Variants in LRP1B observed in about 807,000 individuals in gnomAD.
The protein encoded by LRP1B is low-density lipoprotein receptor-related protein 1B.
A neutral mutation model predicts 556.6 loss-of-function variants in LRP1B; 217 were observed. The observed-to-expected ratio is 0.39, with a 90% CI of 0.35 to 0.44. LRP1B has a LOEUF of 0.44. Among genes scored for constraint, LRP1B ranks in the 20% least tolerant of loss-of-function variants. LRP1B has a pLI of 1.00. For missense variants in LRP1B, 5,053 were observed against 5,620.8 expected (o/e 0.90, Z 3.23); for synonymous variants, 2,047 against 1,865.8 (o/e 1.10, Z -2.50).
At position 140,291,318 on chromosome 2, in the gene LRP1B, A is replaced by ATAATTTTTTT. The variant is rs369391920; in HGVS notation, c.12967+6489_12967+6490insAAAAAAATTA. On this transcript the variant is annotated intron_variant, in intron 84 of 90. Transcript: ENST00000389484. ...TTATTTTATATATATATATATATATATTTTTATTATACTTTAAGTTCTAGG... is the reference window on the plus strand; with the variant it reads ...TTATTTTATATATATATATATATATATAATTTTTTTTTTTTATTATACTTTAAGTTCTAGG... 5.9e-4 allele frequency among the ~76,000 whole-genome samples: 65 copies of ATAATTTTTTT among 109,322 alleles called. 4 individuals carry two copies. Among genetic ancestry groups the ATAATTTTTTT allele is most frequent in the Non-Finnish European group, 7.5e-4 (38 of 50,472 alleles). 71.7% of individuals were successfully genotyped at this position (109,322 alleles called of 152,430 possible).
At chr2:141,583,906 A>ATTTTTTTT (rs113916906) in intron 2 of LRP1B, among the ~76,000 whole-genome samples, 19 of 145,524 alleles carry the variant, frequency 1.3e-4, no homozygotes, top group African/African-American at 3.0e-4. Flanking sequence ...TGCCCGGCTA[A>ATTTTTTTT]TTTTTTTTTT....
At chr2:140,743,155 T>A (rs115035647) in intron 35 of LRP1B, among the ~76,000 whole-genome samples, 1,666 of 152,276 alleles carry the variant, frequency 0.011, 31 homozygotes, top group African/African-American at 0.036. Flanking sequence ...TTCCTAATAG[T>A]TGATTTTGGA....
chr2:141,886,005 C>A (rs928625735), intron 1 of LRP1B, among the ~76,000 whole-genome samples: 2 of 152,110 alleles, frequency 1.3e-5, no homozygotes, highest in African/African-American at 4.8e-5. Flanking sequence ...AAAAGTTGAT[C>A]TAACAGGAGA....
intron 7 of LRP1B, among the ~76,000 whole-genome samples, chr2:141,113,526 G>A (rs1488699887): frequency 6.6e-6 from 1 of 151,998 alleles, no homozygotes; most frequent in African/African-American, 2.4e-5. Flanking sequence ...TAGTTTTAAT[G>A]GTCTAGCATT....
chr2:141,601,599 TTTCCTTCCTTCCTTCCTTCCTTCC>T (rs59436887), intron 2 of LRP1B, among the ~76,000 whole-genome samples: 1 of 140,642 alleles, frequency 7.1e-6, no homozygotes, highest in Non-Finnish European at 1.5e-5. Context: ...GTAGCACTCC[TTTCCTTCCTTCCTTCCTTCCTTCC>T]TTCCTTCCTT....
chr2:141,910,579 G>GA (rs1244014860), intron 1 of LRP1B, among the ~76,000 whole-genome samples: 1 of 151,760 alleles, frequency 6.6e-6, no homozygotes, highest in Non-Finnish European at 1.5e-5. Flanking sequence ...CAATTGCTGG[G>GA]AAAAAAACAA....
At chr2:141,467,156 T>C (rs947195219) in intron 3 of LRP1B, among the ~76,000 whole-genome samples, 6 of 144,044 alleles carry the variant, frequency 4.2e-5, no homozygotes, top group African/African-American at 1.6e-4. Context: ...ATATATCCTC[T>C]CAGGTGTATT....
chr2:141,674,963 G>C (rs577095956), intron 2 of LRP1B, among the ~76,000 whole-genome samples: 1 of 151,968 alleles, frequency 6.6e-6, no homozygotes, highest in East Asian at 1.9e-4. Context: ...TTAACATTTT[G>C]TTTCTGTTGG....
At chr2:140,581,197 T>C (rs985500411) in intron 43 of LRP1B, among the ~76,000 whole-genome samples, 3 of 152,236 alleles carry the variant, frequency 2.0e-5, no homozygotes, top group African/African-American at 7.2e-5. Context: ...TTTTGCATAA[T>C]TGTCAAAATG....
At chr2:141,506,657 G>A (rs4637042) in intron 2 of LRP1B, among the ~76,000 whole-genome samples, 152,061 of 152,186 alleles carry the variant, frequency 1, 75,968 homozygotes, top group Non-Finnish European at 1. Flanking sequence ...CTACTCTTTC[G>A]GGCTCTTTGT....
intron 1 of LRP1B, among the ~76,000 whole-genome samples, chr2:142,034,524 C>A (rs1290693296): frequency 1.3e-5 from 2 of 151,602 alleles, no homozygotes; most frequent in Non-Finnish European, 3.0e-5. Flanking sequence ...TTGGGACCCA[C>A]CCCATTCAAT....
intron 2 of LRP1B, among the ~76,000 whole-genome samples, chr2:141,760,167 C>T (rs994393205): frequency 1.1e-4 from 17 of 152,086 alleles, no homozygotes; most frequent in Non-Finnish European, 4.4e-5. Flanking sequence ...AAAAATACAT[C>T]TCTTGTAATG....
At chr2:140,684,015 C>A in intron 41 of LRP1B, 1 of 207,008 alleles carries the variant, frequency 4.8e-6, no homozygotes, top group Admixed American at 5.6e-5. Context: ...CAATATCAGT[C>A]TAAAATGTTG....
chr2:141,683,271 A>G (rs1337598680), intron 2 of LRP1B, among the ~76,000 whole-genome samples: 2 of 152,182 alleles, frequency 1.3e-5, no homozygotes, highest in Non-Finnish European at 2.9e-5. Context: ...ATTTCTTTGA[A>G]CAGGCTGTTA....
chr2:141,813,248 C>A lies in LRP1B; in HGVS notation c.83-2847G>T, dbSNP rs957828753. Among the ~76,000 whole-genome samples the A allele has an allele frequency of 1.7e-4, 26 of 151,982 alleles. 1 individual carries two copies. Among genetic ancestry groups the A allele is most frequent in the Admixed American group, 1.3e-3 (20 of 15,250 alleles). On this transcript the variant is annotated intron_variant, in intron 1 of 90. Coordinates refer to ENST00000389484, the MANE Select transcript of LRP1B (RefSeq NM_018557.3). ...AGAAACAAAAACAAAACCGATGAAC[C>A]AATTGTATAGCATGTTAAAAGATAA... is the stretch of plus-strand genomic sequence containing the variant.
chr2:141,762,528 G>T (rs1448261165), intron 2 of LRP1B, among the ~76,000 whole-genome samples: 1 of 151,712 alleles, frequency 6.6e-6, no homozygotes, highest in Non-Finnish European at 1.5e-5. Flanking sequence ...ATATATGGAG[G>T]TTATATATAT....
intron 3 of LRP1B, among the ~76,000 whole-genome samples, chr2:141,345,851 G>T (rs903781706): frequency 6.6e-6 from 1 of 151,532 alleles, no homozygotes; most frequent in Admixed American, 6.6e-5. Flanking sequence ...TTTAGAAAAT[G>T]GACCTCCTAG....
chr2:141,410,504 AT>A lies in LRP1B; in HGVS notation c.343+69891del, dbSNP rs577090232. Among the ~76,000 whole-genome samples, 218 of 152,200 alleles carry A rather than the reference AT, an allele frequency of 1.4e-3. 2 individuals carry two copies. Among genetic ancestry groups the A allele is most frequent in the Non-Finnish European group, 2.6e-3 (175 of 67,916 alleles). On this transcript the variant is annotated intron_variant, in intron 3 of 90. Coordinates refer to ENST00000389484, the MANE Select transcript of LRP1B (RefSeq NM_018557.3). ...ATAACATCAGGTACAGTTTAAGGCAATTTTTGTAAAATTATCCCCTTCTATT... is the reference window on the plus strand; with the variant it reads ...ATAACATCAGGTACAGTTTAAGGCAATTTTGTAAAATTATCCCCTTCTATT...
chr2:140,598,942 T>C, intron 42 of LRP1B, 107 bp from the exon 43 acceptor site: 1 of 699,252 alleles, frequency 1.4e-6, no homozygotes, highest in Non-Finnish European at 2.4e-6. Flanking sequence ...CAGAATTATT[T>C]ACCTCATATT....
Sources: gnomAD v4.1 joint callset for allele counts (sites outside exome capture counted in the v4.1 genomes callset) on GRCh38, gnomAD v4.1.1 for gene constraint, MANE v1.5 for transcripts, NCBI Gene and HGNC (gene_info 2026-07-23, HGNC 2026-07-21) for gene names.